Variants in CMIP observed in about 807,000 individuals in gnomAD.
The protein encoded by CMIP is c-Maf inducing protein, also known as C-Maf-inducing protein.
A neutral mutation model predicts 97.3 loss-of-function variants in CMIP; 13 were observed. The observed-to-expected ratio is 0.13, with a 90% CI of 0.09 to 0.21. CMIP has a LOEUF of 0.21. Ranked by LOEUF, CMIP falls within the 10% of genes least tolerant of loss-of-function variation. The pLI, the probability that CMIP is intolerant of heterozygous loss-of-function variation, is 1.00. For synonymous variants in CMIP, 538 were observed against 436.3 expected (o/e 1.23, Z -2.91); for missense variants, 847 against 1,024.9 (o/e 0.83, Z 2.37).
chr16:81,533,390 AAGTACATGGTAGCCACTC>A (rs1402969822), intron 1 of CMIP, among the ~76,000 whole-genome samples: 1 of 152,354 alleles, frequency 6.6e-6, no homozygotes, highest in East Asian at 1.9e-4. Context: ...TTTGCCTGTT[AAGTACATGGTAGCCACTC>A]AGTACATGGT....
At chr16:81,484,440 G>A (rs1039288042) in intron 1 of CMIP, among the ~76,000 whole-genome samples, 2 of 152,160 alleles carry the variant, frequency 1.3e-5, no homozygotes, top group African/African-American at 2.4e-5. Context: ...GTTGGGCGCC[G>A]AACGCAGGGT....
chr16:81,649,210 G>A (rs2092399264), intron 3 of CMIP, among the ~76,000 whole-genome samples: 2 of 152,244 alleles, frequency 1.3e-5, no homozygotes, highest in South Asian at 2.1e-4. Flanking sequence ...TACAAGCCCT[G>A]GGATCTTCTG....
chr16:81,699,854 C>T, intron 15 of CMIP, 53 bp downstream of exon 15: 2 of 1,259,516 alleles, frequency 1.6e-6, no homozygotes, highest in Non-Finnish European at 2.3e-6. Context: ...CGTCCCTTGT[C>T]CGTGCCGATA....
intron 11 of CMIP, among the ~76,000 whole-genome samples, 179 bp downstream of exon 11, chr16:81,692,019 A>G (rs916255958): frequency 6.6e-6 from 1 of 152,174 alleles, no homozygotes; most frequent in Non-Finnish European, 1.5e-5. Flanking sequence ...GGGGAGGCAC[A>G]TCTTCCCTCA....
At chr16:81,592,682 G>T (rs996532904) in intron 1 of CMIP, among the ~76,000 whole-genome samples, 1 of 152,202 alleles carries the variant, frequency 6.6e-6, no homozygotes, top group Non-Finnish European at 1.5e-5. Context: ...CCACTGAGCG[G>T]CTGTGACCGA....
At chr16:81,588,891 G>A (rs1352077503) in intron 1 of CMIP, among the ~76,000 whole-genome samples, 1 of 152,052 alleles carries the variant, frequency 6.6e-6, no homozygotes, top group Admixed American at 6.6e-5. Context: ...CAGATGAGGA[G>A]ACCGAGGTTC....
At chr16:81,603,326 CCCA>C in intron 1 of CMIP, 1 of 451,186 alleles carries the variant, frequency 2.2e-6, no homozygotes, top group South Asian at 1.6e-5. Context: ...TCATGATCCG[CCCA>C]CCTTGGCCTC....
intron 10 of CMIP, among the ~76,000 whole-genome samples, chr16:81,683,822 C>T (rs1237929614): frequency 2.3e-5 from 3 of 132,500 alleles, no homozygotes; most frequent in African/African-American, 5.8e-5. Context: ...AGTGCAGTGA[C>T]GCGATCTCAG....
chr16:81,521,340 G>A (rs868020985), intron 1 of CMIP, among the ~76,000 whole-genome samples: 2 of 150,936 alleles, frequency 1.3e-5, no homozygotes, highest in South Asian at 4.2e-4. Context: ...CAGGAAGACA[G>A]CAGAGGTTTT....
At chr16:81,689,106 T>C (rs181312628) in intron 10 of CMIP, among the ~76,000 whole-genome samples, 1 of 152,362 alleles carries the variant, frequency 6.6e-6, no homozygotes, top group Admixed American at 6.5e-5. Context: ...TGAATAGTGC[T>C]GCAATCAATA....
intron 1 of CMIP, chr16:81,495,475 G>A: frequency 6.2e-7 from 1 of 1,613,226 alleles, no homozygotes; most frequent in Non-Finnish European, 8.5e-7. Flanking sequence ...GTCCGGGGAA[G>A]GATGGGACAG....
intron 1 of CMIP, among the ~76,000 whole-genome samples, chr16:81,547,809 A>C (rs962859585): frequency 6.6e-6 from 1 of 152,146 alleles, no homozygotes; most frequent in African/African-American, 2.4e-5. Flanking sequence ...AATTTGGCAG[A>C]CACCGAAATT....
intron 9 of CMIP, among the ~76,000 whole-genome samples, chr16:81,677,643 GC>G (rs1258902337): frequency 6.6e-6 from 1 of 152,212 alleles, no homozygotes; most frequent in East Asian, 1.9e-4. Flanking sequence ...ATGCCATAGA[GC>G]CCCTTTCTGG....
chr16:81,495,444 G>A (rs774647225), intron 1 of CMIP: 46 of 1,610,670 alleles, frequency 2.9e-5, no homozygotes, highest in Non-Finnish European at 3.6e-5. Flanking sequence ...GAGGAGGGAA[G>A]TTACAGATCT....
intron 10 of CMIP, among the ~76,000 whole-genome samples, chr16:81,688,170 G>A (rs981218615): frequency 1.3e-5 from 2 of 152,204 alleles, no homozygotes; most frequent in Non-Finnish European, 1.5e-5. Flanking sequence ...GAAATACCTG[G>A]TTCTGAGTCC....
At chr16:81,494,150 G>C (rs2089450211) in intron 1 of CMIP, among the ~76,000 whole-genome samples, 1 of 152,176 alleles carries the variant, frequency 6.6e-6, no homozygotes, top group Non-Finnish European at 1.5e-5. Flanking sequence ...TGCCTGCTGA[G>C]CAGTCACCGG....
chr16:81,520,273 C>G (rs1041122564), intron 1 of CMIP: 1 of 152,156 alleles, frequency 6.6e-6, no homozygotes, highest in Non-Finnish European at 1.5e-5. Context: ...CTGTCTGCCT[C>G]GATTTCTTCA....
chr16:81,554,198 A>G (rs1333682460), intron 1 of CMIP, among the ~76,000 whole-genome samples: 2 of 152,368 alleles, frequency 1.3e-5, no homozygotes, highest in South Asian at 2.1e-4. Context: ...AGGGGAGTCT[A>G]CCTTTCCATG....
At chr16:81,582,959 G>A (rs996951942) in intron 1 of CMIP, among the ~76,000 whole-genome samples, 9 of 152,202 alleles carry the variant, frequency 5.9e-5, no homozygotes, top group African/African-American at 2.2e-4. Context: ...GCAGTGTGGG[G>A]TAGCAGATGC....
Sources: gnomAD v4.1 joint callset for allele counts (sites outside exome capture counted in the v4.1 genomes callset) on GRCh38, gnomAD v4.1.1 for gene constraint, MANE v1.5 for transcripts, NCBI Gene and HGNC (gene_info 2026-07-23, HGNC 2026-07-21) for gene names.